Variants in EPHA3 observed in about 807,000 individuals in gnomAD.
The protein encoded by EPHA3 is ephrin type-A receptor 3.
A neutral mutation model predicts 107.1 loss-of-function variants in EPHA3; 42 were observed. The observed-to-expected ratio is 0.39, with a 90% CI of 0.31 to 0.51. EPHA3 has a LOEUF of 0.51. EPHA3 is among the 20% of genes least tolerant of loss of function. The probability of loss-of-function intolerance (pLI) is 0.78; values close to 1 mark genes in which losing one functional copy is unlikely to be tolerated. For missense variants in EPHA3, 1,183 were observed against 1,211.2 expected, an observed-to-expected ratio of 0.98 and a Z score of 0.35; for synonymous variants, 461 against 424.8, an observed-to-expected ratio of 1.09 and a Z score of -1.05.
chr3:89,407,166 A>G lies in EPHA3; in HGVS notation c.1595-103A>G, dbSNP rs1047563243. On this transcript the variant is annotated intron_variant, in intron 7 of 16. Coordinates refer to ENST00000336596, the MANE Select transcript of EPHA3 (RefSeq NM_005233.6). The stretch of plus-strand genomic sequence containing the variant: ...GACATTAAGCCATACTTCAGGTAAA[A>G]GTAGAACACATATTAATTAATTAAT... 1.7e-5 allele frequency: 13 copies of G among 762,562 alleles called. No homozygotes were observed. In the African/African-American group the frequency reaches 2.1e-4, roughly 12 times the overall value. The allele number at this position is 762,562 out of a possible 1,614,324, so 47.2% of individuals were successfully genotyped here.
intron 5 of EPHA3, among the ~76,000 whole-genome samples, chr3:89,372,307 G>T (rs997372235): frequency 2.0e-5 from 3 of 151,516 alleles, no homozygotes; most frequent in Non-Finnish European, 4.4e-5. Flanking sequence ...CAAATTTAAG[G>T]CTTAAAGACT....
chr3:89,316,407 C>T (rs1204433117), intron 3 of EPHA3, among the ~76,000 whole-genome samples: 1 of 149,964 alleles, frequency 6.7e-6, no homozygotes, highest in Non-Finnish European at 1.5e-5. Flanking sequence ...TCAGATATGA[C>T]GTTTCACTAA....
rs1576271188 is a variant in EPHA3, at chr3:89,258,812, G to A, written c.814+48292G>A. ...CCAATGACAGGTGGTTGATAGAGGTGGGGTGAACATGTGACAACAAAAGGA... is the reference window on the plus strand; with the variant it reads ...CCAATGACAGGTGGTTGATAGAGGTAGGGTGAACATGTGACAACAAAAGGA... On this transcript the variant is annotated intron_variant, in intron 3 of 16. Transcript: ENST00000336596. Among the ~76,000 whole-genome samples, 3 of 152,250 alleles carry A rather than the reference G, an allele frequency of 2.0e-5. No homozygotes were observed. The East Asian group carries it at 5.8e-4, about 29-fold the overall frequency.
chr3:89,282,213 T>C (rs1423747241), intron 3 of EPHA3, among the ~76,000 whole-genome samples: 1 of 152,150 alleles, frequency 6.6e-6, no homozygotes. Flanking sequence ...ATCCAACTAA[T>C]AATTTATTCA....
chr3:89,184,947 A>T (rs1037922645), intron 2 of EPHA3, among the ~76,000 whole-genome samples: 1 of 152,066 alleles, frequency 6.6e-6, no homozygotes, highest in African/African-American at 2.4e-5. Context: ...TTTGGAAAGC[A>T]TGTTTTTAAT....
chr3:89,183,576 T>A (rs775245710), intron 2 of EPHA3, among the ~76,000 whole-genome samples: 5 of 151,916 alleles, frequency 3.3e-5, no homozygotes, highest in African/African-American at 4.8e-5. Context: ...TCTGAAGTAC[T>A]CCCTACACAC....
intron 5 of EPHA3, among the ~76,000 whole-genome samples, chr3:89,357,277 C>A (rs1189160609): frequency 2.7e-5 from 4 of 150,522 alleles, no homozygotes; most frequent in African/African-American, 9.7e-5. Context: ...CAGGTTGTGA[C>A]AGGAGACAAA....
At chr3:89,407,515 C>A in intron 8 of EPHA3, 144 bp downstream of exon 8, 1 of 647,260 alleles carries the variant, frequency 1.5e-6, no homozygotes, top group Non-Finnish European at 2.6e-6. Flanking sequence ...TCCTCTCTTT[C>A]TCCTCCTTTT....
At chr3:89,285,175 T>C (rs1430779055) in intron 3 of EPHA3, among the ~76,000 whole-genome samples, 3 of 152,124 alleles carry the variant, frequency 2.0e-5, no homozygotes, top group Non-Finnish European at 2.9e-5. Context: ...CTCCTCTTTT[T>C]GTTTAATGGC....
chr3:89,396,860 AC>A (rs1436111785), intron 6 of EPHA3, among the ~76,000 whole-genome samples: 2 of 152,206 alleles, frequency 1.3e-5, no homozygotes, highest in Non-Finnish European at 2.9e-5. Context: ...CTGTATAACA[AC>A]CTTATGGAAG....
At chr3:89,294,778 T>G (rs1024849761) in intron 3 of EPHA3, among the ~76,000 whole-genome samples, 1 of 152,204 alleles carries the variant, frequency 6.6e-6, no homozygotes, top group African/African-American at 2.4e-5. Context: ...CTAACATCTA[T>G]GGCAGTTCTG....
intron 5 of EPHA3, among the ~76,000 whole-genome samples, chr3:89,381,164 G>A (rs928567689): frequency 2.6e-5 from 4 of 151,376 alleles, no homozygotes; most frequent in Non-Finnish European, 5.9e-5. Context: ...AGTAGAGACG[G>A]GGTTTCACTG....
intron 5 of EPHA3, among the ~76,000 whole-genome samples, chr3:89,379,388 C>A (rs1708459142): frequency 6.6e-6 from 1 of 152,082 alleles, no homozygotes; most frequent in Non-Finnish European, 1.5e-5. Flanking sequence ...TGCAAACAGA[C>A]CCAAATTAGC....
At chr3:89,112,913 T>C (rs1707147956) in intron 1 of EPHA3, among the ~76,000 whole-genome samples, 1 of 152,132 alleles carries the variant, frequency 6.6e-6, no homozygotes, top group Non-Finnish European at 1.5e-5. Context: ...AACTTTATTT[T>C]TTAGCCTGCA....
At chr3:89,294,281 C>T (rs891229560) in intron 3 of EPHA3, among the ~76,000 whole-genome samples, 30 of 152,176 alleles carry the variant, frequency 2.0e-4, no homozygotes, top group African/African-American at 7.0e-4. Context: ...TGTTTCAATA[C>T]CATCTGTTGA....
chr3:89,399,128 A>T lies in EPHA3; in HGVS notation c.1432-190A>T, dbSNP rs1708906278. On this transcript the variant is annotated intron_variant, in intron 6 of 16. Coordinates refer to ENST00000336596, the MANE Select transcript of EPHA3 (RefSeq NM_005233.6). Reference sequence around the variant, plus strand: ...CTGGTGACAAAGCAAGACTTTGTCTAAAAAAAAAAAAAATGCCTAAGTTGC... The same window carrying T: ...CTGGTGACAAAGCAAGACTTTGTCTTAAAAAAAAAAAAATGCCTAAGTTGC... Among the ~76,000 whole-genome samples the T allele has an allele frequency of 1.5e-5, 2 of 132,134 alleles. 1 individual carries two copies. Among genetic ancestry groups the T allele is most frequent in the South Asian group, 4.5e-4 (2 of 4,438 alleles). The allele number at this position is 132,134 out of a possible 152,430, so 86.7% of individuals were successfully genotyped here.
At chr3:89,267,159 G>T (rs145696013) in intron 3 of EPHA3, among the ~76,000 whole-genome samples, 1 of 152,138 alleles carries the variant, frequency 6.6e-6, no homozygotes, top group East Asian at 1.9e-4. Context: ...TGTAACAGAA[G>T]GTGAGTGAAA....
intron 5 of EPHA3, among the ~76,000 whole-genome samples, chr3:89,344,183 A>G (rs1204156091): frequency 9.2e-5 from 14 of 152,182 alleles, no homozygotes; most frequent in Admixed American, 9.2e-4. Flanking sequence ...CTATCTTATC[A>G]TTCCCCTCTG....
chr3:89,435,320 C>T (rs1709645710), intron 13 of EPHA3, among the ~76,000 whole-genome samples: 2 of 151,222 alleles, frequency 1.3e-5, no homozygotes, highest in Non-Finnish European at 2.9e-5. Context: ...TCTCGATAAG[C>T]AGAGTGGGGT....
Sources: allele counts gnomAD v4.1 joint callset (sites outside exome capture counted in the v4.1 genomes callset), GRCh38; gene constraint gnomAD v4.1.1; transcripts MANE v1.5; gene names NCBI Gene and HGNC (gene_info 2026-07-23, HGNC 2026-07-21).